The following NCKAP1 variants were observed in gnomAD, a reference collection of about 807,000 sequenced individuals.
NCKAP1 encodes NCK associated protein 1, also known as nck-associated protein 1.
Under a neutral mutation model 151.2 loss-of-function variants are expected in NCKAP1, and 21 were observed. The ratio of observed to expected loss-of-function variants is 0.14; its 90% CI spans 0.10 to 0.20. The LOEUF (loss-of-function observed/expected upper bound fraction) is 0.20. NCKAP1 is among the 10% of genes least tolerant of loss of function. NCKAP1 has a pLI of 1.00. For missense variants in NCKAP1, 933 were observed against 1,352.1 expected (o/e 0.69, Z 4.86); for synonymous variants, 484 against 451.8 (o/e 1.07, Z -0.90).
chr2:182,929,404 GT>G (rs1359354704), intron 27 of NCKAP1, among the ~76,000 whole-genome samples: 3 of 151,968 alleles, frequency 2.0e-5, no homozygotes, highest in East Asian at 1.9e-4. Context: ...AGTGGAATGG[GT>G]TTTCAACCTC....
chr2:183,023,374 G>A (rs1007831642), intron 2 of NCKAP1, among the ~76,000 whole-genome samples: 1 of 152,032 alleles, frequency 6.6e-6, no homozygotes, highest in Non-Finnish European at 1.5e-5. Context: ...TGTCAATTAT[G>A]AAAATACTAG....
rs1697654396 is a variant in NCKAP1 at position 182,969,994 on chromosome 2, C to A, written c.1483-2633G>T. ...TCCAAGGATTAGAGATTATGAGCAA[C>A]TATATGTCAAAGAACTGGAAAACCG... On this transcript the variant is annotated intron_variant, in intron 15 of 30. Transcript: ENST00000361354. 1.3e-5 allele frequency among the ~76,000 whole-genome samples: 2 copies of A among 151,916 alleles called. 1 individual carries two copies. Among genetic ancestry groups the A allele is most frequent in the South Asian group, 4.1e-4 (2 of 4,828 alleles).
At chr2:182,993,954 T>C (rs11889337) in intron 8 of NCKAP1, among the ~76,000 whole-genome samples, 25,007 of 152,178 alleles carry the variant, frequency 0.16, 3,944 homozygotes, top group African/African-American at 0.41. Flanking sequence ...GGTAGATTTA[T>C]GGGTGTTCAC....
intron 2 of NCKAP1, among the ~76,000 whole-genome samples, chr2:183,008,593 G>A (rs1162786799): frequency 6.6e-6 from 1 of 152,104 alleles, no homozygotes; most frequent in Non-Finnish European, 1.5e-5. Flanking sequence ...CTTTGCATTT[G>A]TTCTTTCTCA....
intron 23 of NCKAP1, among the ~76,000 whole-genome samples, chr2:182,946,602 A>G (rs189053637): frequency 1.7e-4 from 26 of 151,392 alleles, no homozygotes; most frequent in Admixed American, 1.7e-3. Context: ...GAAGTTGGAA[A>G]GAAAAAAAAA....
At chr2:183,032,818 G>C (rs1021640112) in intron 1 of NCKAP1, among the ~76,000 whole-genome samples, 1 of 152,136 alleles carries the variant, frequency 6.6e-6, no homozygotes, top group South Asian at 2.1e-4. Context: ...AGGCTGAAGC[G>C]AGTGGATTGC....
intron 24 of NCKAP1, among the ~76,000 whole-genome samples, chr2:182,941,443 T>C (rs907076561): frequency 6.6e-6 from 1 of 152,182 alleles, no homozygotes; most frequent in East Asian, 1.9e-4. Flanking sequence ...CTTAACAACA[T>C]GGATGAATAA....
intron 8 of NCKAP1, among the ~76,000 whole-genome samples, chr2:182,992,171 G>C (rs1219439417): frequency 6.6e-6 from 1 of 152,144 alleles, no homozygotes; most frequent in African/African-American, 2.4e-5. Flanking sequence ...CAGAACAAAG[G>C]TCCAAAGAAA....
intron 29 of NCKAP1, 43 bp from the exon 30 acceptor site, chr2:182,926,948 G>A (rs372715331): frequency 7.7e-7 from 1 of 1,300,656 alleles, no homozygotes; most frequent in East Asian, 2.4e-5. Flanking sequence ...GTTAATAAAA[G>A]GTTCATCGGT....
At position 182,918,162 on chromosome 2, in the gene NCKAP1, A is replaced by G. The variant is rs367966677; in HGVS notation, c.*7540T>C. 82 of 152,316 alleles carry G rather than the reference A, an allele frequency of 5.4e-4. 1 individual carries two copies. Among genetic ancestry groups the G allele is most frequent in the African/African-American group, 1.9e-3 (81 of 41,576 alleles). The allele number at this position is 152,316 out of a possible 1,614,324, so 9.4% of individuals were successfully genotyped here. ...ATTCATTTACAAAAATAAAGAAAAC[A>G]ATCCCTATTGAGTAATTTGGTTGTG... On this transcript the variant is annotated 3_prime_UTR_variant, in exon 31 of 31. Coordinates refer to ENST00000361354, the MANE Select transcript of NCKAP1 (RefSeq NM_013436.5).
intron 2 of NCKAP1, among the ~76,000 whole-genome samples, chr2:183,021,362 G>A (rs1044136181): frequency 1.3e-5 from 2 of 152,160 alleles, no homozygotes; most frequent in Non-Finnish European, 2.9e-5. Context: ...CACTTTGGGA[G>A]GTCAAAGTGG....
At chr2:182,962,119 C>A in intron 18 of NCKAP1, 40 bp downstream of exon 18, 1 of 1,538,830 alleles carries the variant, frequency 6.5e-7, no homozygotes, top group South Asian at 1.3e-5. Flanking sequence ...CTTGCCTTCA[C>A]ACAAAATTTC....
At chr2:182,929,048 G>A in intron 27 of NCKAP1, 149 bp from the exon 28 acceptor site, 1 of 549,920 alleles carries the variant, frequency 1.8e-6, no homozygotes, top group Non-Finnish European at 3.2e-6. Context: ...CTATAGAATT[G>A]GTCACAATTT....
rs1463491656 is a variant in NCKAP1, at chr2:182,909,352, T to C, written c.*16350A>G. The C allele has an allele frequency of 2.0e-5, 3 of 152,204 alleles. No individual in the cohort carries two copies. Among genetic ancestry groups the C allele is most frequent in the Non-Finnish European group, 2.9e-5 (2 of 68,040 alleles). The allele number at this position is 152,204 out of a possible 1,614,324, so 9.4% of individuals were successfully genotyped here. A position where few individuals can be genotyped will look rare whatever the true frequency, so the allele number is the denominator to read the frequency against. On this transcript the variant is annotated 3_prime_UTR_variant, in exon 31 of 31. Coordinates refer to ENST00000361354, the MANE Select transcript of NCKAP1 (RefSeq NM_013436.5). ...CTCTGTTCCCTTCATACACCTTCTC[T>C]TCATTTCCCTCTCCTTGCCAGCCCC... is the stretch of plus-strand genomic sequence containing the variant.
chr2:182,943,017 T>C (rs1180119356), intron 23 of NCKAP1, among the ~76,000 whole-genome samples: 1 of 152,198 alleles, frequency 6.6e-6, no homozygotes, highest in African/African-American at 2.4e-5. Flanking sequence ...TTCCCAGTTC[T>C]TTCACAATGT....
chr2:182,947,857 C>G (rs1343739351), intron 23 of NCKAP1, among the ~76,000 whole-genome samples: 1 of 152,102 alleles, frequency 6.6e-6, no homozygotes, highest in Non-Finnish European at 1.5e-5. Context: ...TCATTATGAT[C>G]TGTAGGATTT....
At chr2:182,933,408 T>TTTTG (rs1696805804) in intron 26 of NCKAP1, among the ~76,000 whole-genome samples, 1 of 150,042 alleles carries the variant, frequency 6.7e-6, no homozygotes, top group African/African-American at 2.5e-5. Flanking sequence ...TTTTTTTTTT[T>TTTTG]GGAGACGGGA....
At chr2:182,958,896 C>T (rs1048019840) in intron 18 of NCKAP1, among the ~76,000 whole-genome samples, 2 of 152,126 alleles carry the variant, frequency 1.3e-5, no homozygotes, top group Admixed American at 6.5e-5. Context: ...AAGATAAACA[C>T]CAGATTTCAA....
rs979092247 is a variant in NCKAP1 at position 182,957,570 on chromosome 2, A to T, written c.1908T>A (p.Thr636=). 1 of 1,613,288 alleles carries T rather than the reference A, an allele frequency of 6.2e-7. No individual in the cohort carries two copies. The change falls in exon 19 of 31, where the codon ACT becomes ACA. Residue 636 remains threonine (T), a synonymous_variant. Coordinates refer to ENST00000361354, the MANE Select transcript of NCKAP1 (RefSeq NM_013436.5). ...DQLLPKHCAK[T]ISQAVNKKSK... is the part of the protein sequence containing the mutation. Reference sequence around the variant, plus strand: ...ATTTCTTATTCACTGCTTGACTGATAGTTTTGGCACAATGCTTGGGTAGCA... The same window carrying T: ...ATTTCTTATTCACTGCTTGACTGATTGTTTTGGCACAATGCTTGGGTAGCA...
Sources: allele counts gnomAD v4.1 joint callset (sites outside exome capture counted in the v4.1 genomes callset), GRCh38; gene constraint gnomAD v4.1.1; transcripts MANE v1.5; gene names NCBI Gene and HGNC (gene_info 2026-07-23, HGNC 2026-07-21).